DNAH8: variants seen among roughly 807,000 people sequenced by gnomAD.
DNAH8 encodes dynein axonemal heavy chain 8, also known as axonemal beta dynein heavy chain 8.
In DNAH8, 382 loss-of-function variants were observed where a neutral mutation model predicts 562.1. The ratio of observed to expected loss-of-function variants is 0.68; its 90% CI spans 0.63 to 0.74. DNAH8 has a LOEUF of 0.74. DNAH8 is among the 30% of genes least tolerant of loss of function. The pLI, the probability that DNAH8 is intolerant of heterozygous loss-of-function variation, is 0.00. For missense variants in DNAH8, 5,203 were observed against 5,620.4 expected (o/e 0.93, Z 2.37); for synonymous variants, 1,881 against 1,919.4 (o/e 0.98, Z 0.52).
chr6:38,925,365 T>G (rs1209018621), intron 73 of DNAH8, among the ~76,000 whole-genome samples: 1 of 150,772 alleles, frequency 6.6e-6, no homozygotes, highest in Non-Finnish European at 1.5e-5. Context: ...AGACAAAGTC[T>G]TGCTCTGTAG....
intron 74 of DNAH8, among the ~76,000 whole-genome samples, chr6:38,929,196 TTTGAAAGGATTAATCC>T (rs1782341650): frequency 6.6e-6 from 1 of 152,134 alleles, no homozygotes; most frequent in African/African-American, 2.4e-5. Flanking sequence ...GCTATGTAAG[TTTGAAAGGATTAATCC>T]TTGACTATTC....
In DNAH8 at chr6:39,026,677, G is replaced by A; in HGVS notation, c.13836+10G>A. The A allele has an allele frequency of 6.2e-7, 1 of 1,612,402 alleles. No individual in the cohort carries two copies. The highest frequency in any genetic ancestry group is 1.3e-5 in the African/African-American group (1 of 74,980). ...CACGTCACCCCCTGGGGTAGGCGTT[G>A]CTGGGCAATAGCAGGGACCATTCTG... On this transcript the variant is annotated intron_variant, in intron 92 of 92. Transcript: ENST00000327475.
At chr6:38,963,164 A>G (rs1226231989) in intron 82 of DNAH8, among the ~76,000 whole-genome samples, 2 of 152,074 alleles carry the variant, frequency 1.3e-5, no homozygotes, top group Non-Finnish European at 2.9e-5. Flanking sequence ...CATAAATAAA[A>G]TAAAAGCACA....
At chr6:38,959,127 T>C (rs1762453803) in intron 82 of DNAH8, among the ~76,000 whole-genome samples, 1 of 152,122 alleles carries the variant, frequency 6.6e-6, no homozygotes, top group Admixed American at 6.5e-5. Context: ...GGAATGTACC[T>C]CAACACAATA....
chr6:38,987,258 G>A (rs1210214471), intron 87 of DNAH8, among the ~76,000 whole-genome samples: 2 of 152,190 alleles, frequency 1.3e-5, no homozygotes, highest in Non-Finnish European at 2.9e-5. Flanking sequence ...CCACCTTCAA[G>A]AGCTCAAGCA....
chr6:38,858,512 A>G (rs1776371309), intron 42 of DNAH8, among the ~76,000 whole-genome samples: 1 of 152,168 alleles, frequency 6.6e-6, no homozygotes, highest in South Asian at 2.1e-4. Context: ...TCCCCCTGCA[A>G]CCCAGATCCT....
At chr6:38,736,935 C>T in intron 5 of DNAH8, 132 bp from the exon 6 acceptor site, 1 of 559,090 alleles carries the variant, frequency 1.8e-6, no homozygotes, top group South Asian at 6.5e-5. Context: ...GGTTCATAAC[C>T]ACTTAAGATT....
chr6:38,955,041 C>T lies in DNAH8; in HGVS notation c.12451+3521C>T, dbSNP rs983014121. Among the ~76,000 whole-genome samples, 12 of 152,282 alleles carry T rather than the reference C, an allele frequency of 7.9e-5. No homozygotes were observed. The South Asian group carries it at 1.9e-3, about 24-fold the overall frequency. The stretch of plus-strand genomic sequence containing the variant: ...GGAGTGCAGTGGTGCAATCATGGCT[C>T]ACTAAAGCCTTGACCTCCCAGGCTC... On this transcript the variant is annotated intron_variant, in intron 82 of 92. Transcript: ENST00000327475.
intron 77 of DNAH8, chr6:38,936,461 A>G (rs367593635): frequency 6.6e-6 from 1 of 152,336 alleles, no homozygotes; most frequent in South Asian, 2.1e-4. Flanking sequence ...TCTGTAGCAG[A>G]CAAATCACAG....
At chr6:38,928,859 C>T (rs921307211) in intron 74 of DNAH8, among the ~76,000 whole-genome samples, 1 of 152,102 alleles carries the variant, frequency 6.6e-6, no homozygotes, top group Non-Finnish European at 1.5e-5. Flanking sequence ...AGAGATGAAC[C>T]ACTACAGTGT....
At chr6:38,998,008 T>C (rs1765255511) in intron 88 of DNAH8, among the ~76,000 whole-genome samples, 1 of 152,240 alleles carries the variant, frequency 6.6e-6, no homozygotes, top group Admixed American at 6.5e-5. Context: ...TCCACCCACC[T>C]TGGCTTTCCA....
Position 38,875,779 on chromosome 6 carries a change from ACCTAAAGGCT to A in DNAH8, c.7811_7820del (p.Pro2604GlnfsTer52). The A allele has an allele frequency of 6.2e-7, 1 of 1,614,000 alleles. No individual in the cohort carries two copies. The highest frequency in any genetic ancestry group is 8.5e-7 in the Non-Finnish European group (1 of 1,179,928). On this transcript the variant is annotated frameshift_variant, in exon 53 of 93. Coordinates refer to ENST00000327475, the MANE Select transcript of DNAH8 (RefSeq NM_001206927.2). LOFTEE classifies it high-confidence loss of function. Reference sequence around the variant, plus strand: ...AAAGCAAGTTGGACTTACCAGAAATACCTAAAGGCTCAAATCAAACCATGTATGAGTTTTA... The same window carrying A: ...AAAGCAAGTTGGACTTACCAGAAATACAAATCAAACCATGTATGAGTTTTA...
In DNAH8 at chr6:38,780,011, C is replaced by G. The variant is rs201894505; in HGVS notation, c.2085C>G (p.His695Gln). 15 of 1,614,078 alleles carry G rather than the reference C, an allele frequency of 9.3e-6. No individual in the cohort carries two copies. Among genetic ancestry groups the G allele is most frequent in the Non-Finnish European group, 1.2e-5 (14 of 1,179,984 alleles). The change falls in exon 15 of 93, where the codon CAC becomes CAG. Residue 695 changes from histidine to glutamine, a missense_variant. By Grantham distance (24) the His-to-Gln change is conservative. Coordinates refer to ENST00000327475, the MANE Select transcript of DNAH8 (RefSeq NM_001206927.2). ...CCTGTCTGGGATTAGAAATAAACCA[C>G]ACAATAGAGCGTATTCTTCAGTACT... ...NIPCLGLEIN[H>Q]TIERILQYYV...
At chr6:38,953,172 TC>T (rs531149608) in intron 82 of DNAH8, 131 of 152,304 alleles carry the variant, frequency 8.6e-4, no homozygotes, top group African/African-American at 3.1e-3. Context: ...AGTTCCAATA[TC>T]CAGGGAAGTA....
chr6:38,755,124 C>T (rs1765794447), intron 9 of DNAH8, among the ~76,000 whole-genome samples: 1 of 152,032 alleles, frequency 6.6e-6, no homozygotes, highest in Admixed American at 6.6e-5. Flanking sequence ...CCACTGGTGG[C>T]CTAGTATTAT....
chr6:38,750,971 TG>T (rs1765398534), intron 9 of DNAH8, among the ~76,000 whole-genome samples: 1 of 152,234 alleles, frequency 6.6e-6, no homozygotes, highest in Admixed American at 6.5e-5. Flanking sequence ...TAATATAGTA[TG>T]TGCAAGACAA....
chr6:38,919,557 T>C (rs2150550905), intron 70 of DNAH8, among the ~76,000 whole-genome samples: 1 of 152,332 alleles, frequency 6.6e-6, no homozygotes, highest in South Asian at 2.1e-4. Flanking sequence ...AATAACTACA[T>C]TGAACTTTCT....
chr6:38,990,001 C>A lies in DNAH8; in HGVS notation c.13054-11C>A. ...ATCAATTTTATTTCTTTTGTTTTCT[C>A]TCACATACAGGTCTGGTTCAGTGAG... On this transcript the variant is annotated splice_polypyrimidine_tract_variant and intron_variant, in intron 87 of 92. Coordinates refer to ENST00000327475, the MANE Select transcript of DNAH8 (RefSeq NM_001206927.2). 6.5e-7 allele frequency: 1 copy of A among 1,532,686 alleles called. No individual in the cohort carries two copies. The highest frequency in any genetic ancestry group is 1.2e-5 in the South Asian group (1 of 82,918). 94.9% of individuals were successfully genotyped at this position (1,532,686 alleles called of 1,614,324 possible). A position where few individuals can be genotyped will look rare whatever the true frequency, so the allele number is the denominator to read the frequency against.
chr6:38,818,591 C>T (rs1772519013), intron 26 of DNAH8, among the ~76,000 whole-genome samples: 1 of 127,874 alleles, frequency 7.8e-6, no homozygotes, highest in Admixed American at 8.0e-5. Context: ...TAAAACACAG[C>T]AGACAGGTGA....
Sources: gnomAD v4.1 joint callset for allele counts (sites outside exome capture counted in the v4.1 genomes callset) on GRCh38, gnomAD v4.1.1 for gene constraint, MANE v1.5 for transcripts, NCBI Gene and HGNC (gene_info 2026-07-23, HGNC 2026-07-21) for gene names.